Variants in RBP4 observed in about 807,000 individuals in gnomAD.
The protein encoded by RBP4 is retinol-binding protein 4.
A neutral mutation model predicts 26.2 loss-of-function variants in RBP4; 9 were observed. The ratio of observed to expected loss-of-function variants is 0.34; its 90% confidence interval spans 0.21 to 0.60. The LOEUF is 0.60. Ranked by LOEUF, RBP4 falls within the 20% of genes least tolerant of loss-of-function variation. The pLI is 0.80. For missense variants in RBP4, 244 were observed against 271.3 expected, an observed-to-expected ratio of 0.90 and a Z score of 0.71; for synonymous variants, 114 against 111.0, an observed-to-expected ratio of 1.03 and a Z score of -0.17.
At chr10:93,601,494 C>T (rs1025669470), upstream of RBP4, 2 of 780,652 alleles carry the variant, frequency 2.6e-6, no homozygotes, top group Admixed American at 6.0e-5. Context: ...AGTTACCCTG[C>T]ACTCGTGCCA....
chr10:93,591,973 G>A lies in RBP4; in HGVS notation c.*102C>T. 1.0e-6 allele frequency: 1 copy of A among 972,512 alleles called. No individual in the cohort carries two copies. The highest frequency in any genetic ancestry group is 1.7e-6 in the Non-Finnish European group (1 of 600,200). 60.2% of individuals were successfully genotyped at this position (972,512 alleles called of 1,614,324 possible). On this transcript the variant is annotated 3_prime_UTR_variant, in exon 6 of 6. Coordinates refer to ENST00000371464, the MANE Select transcript of RBP4 (RefSeq NM_006744.4). ...TAATGAAGGTTTTATGGGAACTGAG[G>A]GAAGATGGGGAGAGAAGGGCAAATT... is the stretch of plus-strand genomic sequence containing the variant.
At chr10:93,600,213 G>T (rs966947384) in intron 4 of RBP4, among the ~76,000 whole-genome samples, 180 bp downstream of exon 4, 11 of 152,186 alleles carry the variant, frequency 7.2e-5, no homozygotes, top group Non-Finnish European at 1.2e-4. Context: ...TGGGGAGGGG[G>T]TAGGTAGCTG....
Position 93,591,962 on chromosome 10 carries a change from T to A in RBP4, c.*113A>T, listed in dbSNP as rs974692055. 1.1e-6 allele frequency: 1 copy of A among 912,798 alleles called. No homozygotes were observed. The highest frequency in any genetic ancestry group is 1.8e-6 in the Non-Finnish European group (1 of 550,634). The allele number at this position is 912,798 out of a possible 1,614,324, so 56.5% of individuals were successfully genotyped here. A position where few individuals can be genotyped will look rare whatever the true frequency, so the allele number is the denominator to read the frequency against. ...ATCTTTATGTGTAATGAAGGTTTTA[T>A]GGGAACTGAGGGAAGATGGGGAGAG... is the stretch of plus-strand genomic sequence containing the variant. On this transcript the variant is annotated 3_prime_UTR_variant, in exon 6 of 6. Transcript: ENST00000371464.
At position 93,600,914 on chromosome 10, in the gene RBP4, C is replaced by T; in HGVS notation, c.111+4G>A. 1 of 1,612,370 alleles carries T rather than the reference C, an allele frequency of 6.2e-7. No individual in the cohort carries two copies. Among genetic ancestry groups the T allele is most frequent in the Non-Finnish European group, 8.5e-7 (1 of 1,179,744 alleles). On this transcript the variant is annotated splice_donor_region_variant and intron_variant, in intron 2 of 5. Transcript: ENST00000371464. ...CCGCCTGGGCCCCCTGGGCCGATACCTACGCGAGCCTTGTCGAAGTTCTCC... is the reference window on the plus strand; with the variant it reads ...CCGCCTGGGCCCCCTGGGCCGATACTTACGCGAGCCTTGTCGAAGTTCTCC...
At chr10:93,592,213 G>A (rs2058271951) in intron 5 of RBP4, 101 bp from the exon 6 acceptor site, 3 of 1,011,976 alleles carry the variant, frequency 3.0e-6, no homozygotes, top group South Asian at 2.6e-5. Flanking sequence ...TCATTCAAAT[G>A]CTTCTTAATT....
chr10:93,599,793 ATTTTAGGATG>A (rs1463553401), intron 4 of RBP4, among the ~76,000 whole-genome samples: 1 of 152,154 alleles, frequency 6.6e-6, no homozygotes, highest in Non-Finnish European at 1.5e-5. Context: ...ATTAGGCCAA[ATTTTAGGATG>A]TTCTTCTACA....
intron 5 of RBP4, among the ~76,000 whole-genome samples, chr10:93,593,603 A>G (rs2058280928): frequency 6.6e-6 from 1 of 152,176 alleles, no homozygotes; most frequent in Non-Finnish European, 1.5e-5. Flanking sequence ...AGTGCCAGTG[A>G]ACTGGACAAA....
intron 4 of RBP4, among the ~76,000 whole-genome samples, chr10:93,597,953 T>C (rs2058312735): frequency 1.3e-5 from 2 of 152,156 alleles, no homozygotes; most frequent in South Asian, 2.1e-4. Flanking sequence ...AAAACAAGCA[T>C]GTAAAACAGA....
At position 93,601,152 on chromosome 10, in the gene RBP4, G is replaced by T. The variant is rs2058336490; in HGVS notation, c.-19+19C>A. 6.9e-7 allele frequency: 1 copy of T among 1,458,254 alleles called. No homozygotes were observed. The highest frequency in any genetic ancestry group is 1.5e-5 in the African/African-American group (1 of 64,916). The allele number at this position is 1,458,254 out of a possible 1,614,324, so 90.3% of individuals were successfully genotyped here. A position where few individuals can be genotyped will look rare whatever the true frequency, so the allele number is the denominator to read the frequency against. On this transcript the variant is annotated intron_variant, in intron 1 of 5. Coordinates refer to ENST00000371464, the MANE Select transcript of RBP4 (RefSeq NM_006744.4). ...CGGCCCATCCCGCCGCCGGCCCCGA[G>T]GCCCCGGCCGCGACTCACCACCGGG...
chr10:93,596,978 G>C (rs1294949926), intron 4 of RBP4, among the ~76,000 whole-genome samples: 2 of 152,178 alleles, frequency 1.3e-5, no homozygotes, highest in Admixed American at 6.5e-5. Flanking sequence ...AGAAAAGTGA[G>C]TGGAGTCTGA....
At chr10:93,600,848 G>A (rs2058332629) in intron 2 of RBP4, 45 bp from the exon 3 acceptor site, 1 of 1,599,334 alleles carries the variant, frequency 6.3e-7, no homozygotes, top group Admixed American at 1.7e-5. Flanking sequence ...GGGGGCGCAC[G>A]GCGGGCCGCG....
intron 5 of RBP4, among the ~76,000 whole-genome samples, chr10:93,592,502 C>G (rs2058273816): frequency 6.6e-6 from 1 of 152,206 alleles, no homozygotes; most frequent in Non-Finnish European, 1.5e-5. Context: ...GCTTCTATGT[C>G]TCATGTCATG....
chr10:93,600,833 C>T (rs1290452038), intron 2 of RBP4, 30 bp from the exon 3 acceptor site: 1 of 1,340,352 alleles, frequency 7.5e-7, no homozygotes, highest in African/African-American at 1.5e-5. Flanking sequence ...AGGGGTTTGG[C>T]GTCCGGGGGC....
At chr10:93,592,150 T>C in intron 5 of RBP4, 38 bp from the exon 6 acceptor site, 1 of 1,597,878 alleles carries the variant, frequency 6.3e-7, no homozygotes, top group South Asian at 1.1e-5. Context: ...CGACAGAAAG[T>C]GGACCCAGTT....
chr10:93,597,684 C>G (rs1271341871), intron 4 of RBP4, among the ~76,000 whole-genome samples: 1 of 152,194 alleles, frequency 6.6e-6, no homozygotes, highest in Non-Finnish European at 1.5e-5. Flanking sequence ...AGAGATTGAT[C>G]ACATTTAATT....
At chr10:93,599,687 A>G (rs1465483931) in intron 4 of RBP4, among the ~76,000 whole-genome samples, 4 of 152,206 alleles carry the variant, frequency 2.6e-5, no homozygotes, top group Admixed American at 2.6e-4. Flanking sequence ...CCTGGCCTGC[A>G]TTATTCTCTA....
chr10:93,591,782 C>G lies in RBP4; in HGVS notation c.*293G>C, dbSNP rs950275124. ...GCCACGTGCTCCTGGTATAAAGAAG[C>G]GCACCCCACCCATCCGTCTGCAGCA... is the stretch of plus-strand genomic sequence containing the variant. On this transcript the variant is annotated 3_prime_UTR_variant, in exon 6 of 6. Transcript: ENST00000371464. The G allele has an allele frequency of 7.5e-6, 3 of 401,762 alleles. No homozygotes were observed. The Admixed American group carries it at 1.2e-4, about 16-fold the overall frequency. 24.9% of individuals were successfully genotyped at this position (401,762 alleles called of 1,614,324 possible).
chr10:93,594,568 G>A (rs771815113), intron 4 of RBP4, among the ~76,000 whole-genome samples: 3 of 152,152 alleles, frequency 2.0e-5, no homozygotes, highest in South Asian at 4.1e-4. Flanking sequence ...CCATGGTCAC[G>A]GCTTCTCTGG....
chr10:93,598,362 G>C (rs778572467), intron 4 of RBP4, among the ~76,000 whole-genome samples: 4 of 152,316 alleles, frequency 2.6e-5, no homozygotes, highest in South Asian at 2.1e-4. Context: ...TGCAGATGAC[G>C]AAATAGGCAC....
Sources: gnomAD v4.1 joint callset for allele counts (sites outside exome capture counted in the v4.1 genomes callset) on GRCh38, gnomAD v4.1.1 for gene constraint, MANE v1.5 for transcripts, NCBI Gene and HGNC (gene_info 2026-07-23, HGNC 2026-07-21) for gene names.